BLTP3B: variants seen among roughly 807,000 people sequenced by gnomAD.
BLTP3B encodes the protein UHRF1 (ICBP90) binding protein 1-like.
the BLTP3B span, chr12:100,060,003 C>A: frequency 6.2e-7 from 1 of 1,610,454 alleles, no homozygotes; most frequent in Non-Finnish European, 8.5e-7. Flanking sequence ...CCACAGTAAA[C>A]TGTAGTGCAT....
the BLTP3B span, among the ~76,000 whole-genome samples, chr12:100,085,202 C>T: frequency 6.6e-5 from 10 of 151,860 alleles, no homozygotes; most frequent in Non-Finnish European, 1.5e-4. Context: ...AAGAAAAATG[C>T]ACATAAAAGG....
chr12:100,058,864 T>C, the BLTP3B span: 3 of 1,613,946 alleles, frequency 1.9e-6, no homozygotes, highest in South Asian at 2.2e-5. Flanking sequence ...AGGAGATGAA[T>C]ATCTGCCTCT....
chr12:100,139,642 T>C, the BLTP3B span, among the ~76,000 whole-genome samples: 1 of 152,172 alleles, frequency 6.6e-6, no homozygotes, highest in Non-Finnish European at 1.5e-5. Flanking sequence ...ATATTGGCAG[T>C]AGTCTTGCCT....
the BLTP3B span, chr12:100,059,983 C>T: frequency 5.6e-6 from 9 of 1,612,606 alleles, no homozygotes; most frequent in South Asian, 3.3e-5. Context: ...CCATAGAATG[C>T]TTCTTTCATC....
At chr12:100,102,575 G>A in the BLTP3B span, among the ~76,000 whole-genome samples, 1 of 152,012 alleles carries the variant, frequency 6.6e-6, no homozygotes, top group Non-Finnish European at 1.5e-5. Flanking sequence ...TTTAATAATA[G>A]CAAGGAAAGC....
At chr12:100,104,854 C>A in the BLTP3B span, among the ~76,000 whole-genome samples, 3 of 113,120 alleles carry the variant, frequency 2.7e-5, no homozygotes, top group South Asian at 9.0e-4. Flanking sequence ...ATCAGGAACT[C>A]AATCCCTTTT....
chr12:100,085,808 T>C, the BLTP3B span, among the ~76,000 whole-genome samples: 4 of 152,126 alleles, frequency 2.6e-5, no homozygotes, highest in Admixed American at 2.6e-4. Flanking sequence ...ACCAGATTGT[T>C]AAGAGCCTAT....
chr12:100,102,856 G>C, the BLTP3B span: 1 of 1,583,134 alleles, frequency 6.3e-7, no homozygotes, highest in Non-Finnish European at 8.6e-7. Context: ...TTTATCCAGG[G>C]ACTAATAAAA....
At chr12:100,048,038 A>C in the BLTP3B span, 1 of 1,611,560 alleles carries the variant, frequency 6.2e-7, no homozygotes, top group East Asian at 2.2e-5. Flanking sequence ...TTCATAAGAG[A>C]AGATGTAAGA....
At chr12:100,096,771 G>C in the BLTP3B span, among the ~76,000 whole-genome samples, 1 of 151,606 alleles carries the variant, frequency 6.6e-6, no homozygotes, top group Non-Finnish European at 1.5e-5. Flanking sequence ...CAGTGAGCTA[G>C]GATTGTCCCA....
At chr12:100,116,168 T>G in the BLTP3B span, among the ~76,000 whole-genome samples, 1 of 91,488 alleles carries the variant, frequency 1.1e-5, no homozygotes, top group Non-Finnish European at 2.0e-5. Context: ...TGAGACTGTC[T>G]CAAAAAAAAA....
chr12:100,052,617 A>G, the BLTP3B span, among the ~76,000 whole-genome samples: 12,530 of 152,112 alleles, frequency 0.082, 645 homozygotes, highest in African/African-American at 0.14. Context: ...CATCTGAAGT[A>G]TAACGAGCAC....
chr12:100,038,814 G>A, the BLTP3B span, among the ~76,000 whole-genome samples: 12 of 152,156 alleles, frequency 7.9e-5, no homozygotes, highest in Admixed American at 1.3e-4. Context: ...AACTTTCTGC[G>A]TCACATAGAT....
chr12:100,107,038 A>G, the BLTP3B span, among the ~76,000 whole-genome samples: 2 of 152,138 alleles, frequency 1.3e-5, no homozygotes, highest in Non-Finnish European at 2.9e-5. Flanking sequence ...CTGTAATCCC[A>G]GCACTTTGGG....
the BLTP3B span, among the ~76,000 whole-genome samples, chr12:100,044,339 G>T: frequency 6.6e-6 from 1 of 152,194 alleles, no homozygotes; most frequent in South Asian, 2.1e-4. Context: ...AAATTGTCCT[G>T]TCCTTTCTTC....
chr12:100,106,667 C>T, the BLTP3B span, among the ~76,000 whole-genome samples: 1 of 152,220 alleles, frequency 6.6e-6, no homozygotes, highest in East Asian at 1.9e-4. Flanking sequence ...CACTACTCAG[C>T]TGACAGATGC....
At chr12:100,062,046 C>T in the BLTP3B span, among the ~76,000 whole-genome samples, 1 of 152,106 alleles carries the variant, frequency 6.6e-6, no homozygotes, top group Non-Finnish European at 1.5e-5. Context: ...GAGGGACATA[C>T]ACACATACAC....
At chr12:100,128,349 T>C in the BLTP3B span, among the ~76,000 whole-genome samples, 1 of 152,010 alleles carries the variant, frequency 6.6e-6, no homozygotes, top group Non-Finnish European at 1.5e-5. Flanking sequence ...CCAAACCTTA[T>C]CTATTAGAAA....
At chr12:100,140,346 GA>G in the BLTP3B span, among the ~76,000 whole-genome samples, 2,276 of 138,150 alleles carry the variant, frequency 0.016, 17 homozygotes, top group Non-Finnish European at 0.024. Context: ...ACTCATCTCT[GA>G]AAAAAAAAAA....
Sources: gnomAD v4.1 joint callset for allele counts (sites outside exome capture counted in the v4.1 genomes callset) on GRCh38, gnomAD v4.1.1 for gene constraint, MANE v1.5 for transcripts, NCBI Gene and HGNC (gene_info 2026-07-23, HGNC 2026-07-21) for gene names.